Variants in SGO2 observed in about 807,000 individuals in gnomAD.
SGO2 encodes the protein shugoshin-like 2.
SGO2 carries 68 observed loss-of-function variants against 99.5 expected under a neutral mutation model. That is an observed-to-expected ratio of 0.68 (90% CI 0.56 to 0.84). The LOEUF (loss-of-function observed/expected upper bound fraction) is 0.84, where lower values mean the gene tolerates loss of function less well. SGO2 is among the 40% of genes least tolerant of loss of function. The pLI is 0.00. For synonymous variants in SGO2, 457 were observed against 487.1 expected, an observed-to-expected ratio of 0.94 and a Z score of 0.81; for missense variants, 1,350 against 1,436.7, an observed-to-expected ratio of 0.94 and a Z score of 0.97.
At chr2:200,542,854 C>T (rs1039916212) in intron 5 of SGO2, 190 bp downstream of exon 5, 4 of 407,806 alleles carry the variant, frequency 9.8e-6, no homozygotes, top group Admixed American at 4.0e-5. Flanking sequence ...ACGGTCAATC[C>T]CCCAACCAGG....
rs1336607956 is a variant in SGO2, at chr2:200,572,302, G to GTT, written c.1956_1957insTT (p.Asp653LeufsTer10). Reference sequence around the variant, plus strand: ...GTAATTTTTTTTTCAAAACCCAAGAGGATAAAGAACCTATCTCTGAAAACA... The same window carrying GTT: ...GTAATTTTTTTTTCAAAACCCAAGAGTTGATAAAGAACCTATCTCTGAAAACA... On this transcript the variant is annotated frameshift_variant, in exon 7 of 9. Transcript: ENST00000357799. LOFTEE classifies it high-confidence loss of function. 6.2e-7 allele frequency: 1 copy of GTT among 1,609,760 alleles called. No individual in the cohort carries two copies.
In SGO2 at chr2:200,542,599, A is replaced by C; in HGVS notation, c.408A>C (p.Leu136=). The C allele has an allele frequency of 6.2e-7, 1 of 1,612,626 alleles. No homozygotes were observed. Among genetic ancestry groups the C allele is most frequent in the South Asian group, 1.1e-5 (1 of 90,984 alleles). ...SLSEFHQSSF[L]LSASKKKRIS... ...AATAGTTCCATCAGAGTTCCTTTCT[A>C]CTGTCAGCTAGCAAGAAGAAACGAA... Residue 136 remains leucine (L), a synonymous_variant, in exon 5 of 9, where the codon CTA becomes CTC. Coordinates refer to ENST00000357799, the MANE Select transcript of SGO2 (RefSeq NM_152524.6).
intron 5 of SGO2, among the ~76,000 whole-genome samples, chr2:200,556,904 G>T (rs1250404795): frequency 6.6e-6 from 1 of 152,080 alleles, no homozygotes; most frequent in Non-Finnish European, 1.5e-5. Context: ...AGTGGGGCAG[G>T]CAAAGAGTTC....
chr2:200,581,465 A>G (rs1451809539), intron 8 of SGO2, among the ~76,000 whole-genome samples: 1 of 152,112 alleles, frequency 6.6e-6, no homozygotes, highest in African/African-American at 2.4e-5. Flanking sequence ...AAATGTCCTC[A>G]TTTGTCATGT....
chr2:200,571,264 T>C lies in SGO2; in HGVS notation c.918T>C (p.Asn306=), dbSNP rs1231832275. The part of the protein sequence containing the change: ...DKQHISSPEL[N]CNNEINGHTN... The stretch of plus-strand genomic sequence containing the variant: ...AACACATTTCAAGTCCAGAATTAAA[T>C]TGCAATAATGAGATAAATGGTCATA... The change falls in exon 7 of 9, where the codon AAT becomes AAC. Residue 306 remains asparagine (N), a synonymous_variant. Coordinates refer to ENST00000357799, the MANE Select transcript of SGO2 (RefSeq NM_152524.6). The C allele has an allele frequency of 1.2e-6, 2 of 1,613,450 alleles. No homozygotes were observed. The highest frequency in any genetic ancestry group is 1.3e-5 in the African/African-American group (1 of 75,034).
At position 200,569,686 on chromosome 2, in the gene SGO2, A is replaced by G. The variant is rs141418375; in HGVS notation, c.497A>G (p.Asp166Gly). 1,925 of 1,608,096 alleles carry G rather than the reference A, an allele frequency of 1.2e-3. 4 individuals are homozygous for G. Among genetic ancestry groups the G allele is most frequent in the Non-Finnish European group, 1.5e-3 (1,773 of 1,177,276 alleles). ...FARVPLTSNDDEDEDKEKMQC... is the reference protein window; with the variant it reads ...FARVPLTSNDGEDEDKEKMQC... ...AGGGTTCCATTAACTTCAAATGATG[A>G]TGAAGATGAAGATAAAGAGAAAATG... Residue 166 changes from aspartate to glycine, a missense_variant, in exon 6 of 9, where the codon GAT becomes GGT. Physicochemically the swap from Asp to Gly is moderately conservative, Grantham distance 94. Coordinates refer to ENST00000357799, the MANE Select transcript of SGO2 (RefSeq NM_152524.6).
Position 200,542,585 on chromosome 2 carries a change from C to T in SGO2, c.394C>T (p.Gln132Ter). The change falls in exon 5 of 9, where the codon CAG becomes TAG. Residue 132 changes from glutamine to a stop codon, truncating the protein, a stop_gained. Coordinates refer to ENST00000357799, the MANE Select transcript of SGO2 (RefSeq NM_152524.6). LOFTEE classifies it high-confidence loss of function. ...IEMSSLSEFH[Q>*]SSFLLSASKK... ...TTATTTTTTTCAAAAATAGTTCCAT[C>T]AGAGTTCCTTTCTACTGTCAGCTAG... 6.2e-7 allele frequency: 1 copy of T among 1,610,600 alleles called. No individual in the cohort carries two copies. Among genetic ancestry groups the T allele is most frequent in the Non-Finnish European group, 8.5e-7 (1 of 1,178,356 alleles).
chr2:200,578,235 AT>A (rs1455622438), intron 8 of SGO2, among the ~76,000 whole-genome samples: 1 of 134,010 alleles, frequency 7.5e-6, no homozygotes, highest in Non-Finnish European at 1.7e-5. Context: ...TGCCATCAAT[AT>A]TTATCTTGTT....
intron 7 of SGO2, 135 bp downstream of exon 7, chr2:200,574,112 A>G (rs755679851): frequency 1.8e-4 from 103 of 582,734 alleles, no homozygotes; most frequent in Middle Eastern, 4.2e-4. Context: ...AACTGAGTAC[A>G]TGATCCATAG....
chr2:200,529,217 T>C (rs748065113), intron 1 of SGO2, among the ~76,000 whole-genome samples: 1 of 152,250 alleles, frequency 6.6e-6, no homozygotes, highest in African/African-American at 2.4e-5. Flanking sequence ...TGTTTCATTT[T>C]CATGCATTTA....
intron 5 of SGO2, chr2:200,543,305 A>G (rs1034361499): frequency 1.3e-5 from 2 of 152,288 alleles, no homozygotes; most frequent in African/African-American, 4.8e-5. Flanking sequence ...CTCTGTCTCA[A>G]AAAAACAAAC....
chr2:200,550,513 A>T (rs1177950907), intron 5 of SGO2, among the ~76,000 whole-genome samples: 1 of 152,170 alleles, frequency 6.6e-6, no homozygotes, highest in African/African-American at 2.4e-5. Context: ...ATAGATACCA[A>T]TGGAACAGAG....
chr2:200,533,965 A>G (rs1356636636), intron 2 of SGO2, among the ~76,000 whole-genome samples: 1 of 152,092 alleles, frequency 6.6e-6, no homozygotes, highest in Non-Finnish European at 1.5e-5. Context: ...CAACAGGAAA[A>G]TGTTATTACT....
In SGO2 at chr2:200,571,739, G is replaced by T. The variant is rs764696675; in HGVS notation, c.1393G>T (p.Ala465Ser). ...EQLAQMNEQL[A>S]QVNELKKMTL... ...GCTGGCTCAGATGAATGAACAGCTG[G>T]CTCAGGTGAATGAACTAAAGAAAAT... is the stretch of plus-strand genomic sequence containing the variant. Residue 465 changes from alanine to serine, a missense_variant, in exon 7 of 9, where the codon GCT becomes TCT. Physicochemically the swap from Ala to Ser is moderately conservative, Grantham distance 99. Coordinates refer to ENST00000357799, the MANE Select transcript of SGO2 (RefSeq NM_152524.6). 1 of 1,613,654 alleles carries T rather than the reference G, an allele frequency of 6.2e-7. No homozygotes were observed. The highest frequency in any genetic ancestry group is 1.1e-5 in the South Asian group (1 of 91,054).
intron 4 of SGO2, among the ~76,000 whole-genome samples, chr2:200,536,756 A>G (rs1209770827): frequency 6.6e-6 from 1 of 152,084 alleles, no homozygotes; most frequent in Non-Finnish European, 1.5e-5. Context: ...ACCAAGCTTT[A>G]AAATTCTTTT....
At chr2:200,559,372 A>G (rs1433320442) in intron 5 of SGO2, among the ~76,000 whole-genome samples, 1 of 151,996 alleles carries the variant, frequency 6.6e-6, no homozygotes, top group Non-Finnish European at 1.5e-5. Flanking sequence ...ATCTTTGTGA[A>G]GGTCTCATTT....
rs532974935 is a variant in SGO2, at chr2:200,533,792, G to A, written c.133+684G>A. Reference sequence around the variant, plus strand: ...TATAGCTCCTGCGAAGGACAATCACGTGTGCCTTCTAAAACAACCCAGCCT... The same window carrying A: ...TATAGCTCCTGCGAAGGACAATCACATGTGCCTTCTAAAACAACCCAGCCT... On this transcript the variant is annotated intron_variant, in intron 2 of 8. Transcript: ENST00000357799. 3.9e-5 allele frequency among the ~76,000 whole-genome samples: 6 copies of A among 152,010 alleles called. No homozygotes were observed. The East Asian group carries it at 7.7e-4, about 20-fold the overall frequency.
rs948534555 is a variant in SGO2 at position 200,575,246 on chromosome 2, C to G, written c.3632-65C>G. On this transcript the variant is annotated intron_variant, in intron 7 of 8. Coordinates refer to ENST00000357799, the MANE Select transcript of SGO2 (RefSeq NM_152524.6). ...TGGTGATTTGCAGACCACTATATAGCTCATATCTATTTGTATCTCTATATA... is the reference window on the plus strand; with the variant it reads ...TGGTGATTTGCAGACCACTATATAGGTCATATCTATTTGTATCTCTATATA... 4.0e-6 allele frequency: 4 copies of G among 999,382 alleles called. No individual in the cohort carries two copies. The African/African-American group carries it at 6.5e-5, about 16-fold the overall frequency. The allele number at this position is 999,382 out of a possible 1,614,324, so 61.9% of individuals were successfully genotyped here.
At chr2:200,563,675 A>G (rs1383798235) in intron 5 of SGO2, among the ~76,000 whole-genome samples, 1 of 152,176 alleles carries the variant, frequency 6.6e-6, no homozygotes, top group Non-Finnish European at 1.5e-5. Context: ...TCAGCTGTGA[A>G]TCCATCTGGT....
Sources: allele counts gnomAD v4.1 joint callset (sites outside exome capture counted in the v4.1 genomes callset), GRCh38; gene constraint gnomAD v4.1.1; transcripts MANE v1.5; gene names NCBI Gene and HGNC (gene_info 2026-07-23, HGNC 2026-07-21).